ADGRE5: variants seen among roughly 807,000 people sequenced by gnomAD.
The protein encoded by ADGRE5 is CD97 molecule.
ADGRE5 carries 72 observed loss-of-function variants against 100.3 expected under a neutral mutation model. The observed-to-expected ratio is 0.72, with a 90% confidence interval of 0.59 to 0.87. The LOEUF (loss-of-function observed/expected upper bound fraction) is 0.87. Among genes scored for constraint, ADGRE5 ranks in the 40% least tolerant of loss-of-function variants. The pLI is 0.00. For missense variants in ADGRE5, 959 were observed against 1,094.7 expected (o/e 0.88, Z 1.75); for synonymous variants, 439 against 447.8 (o/e 0.98, Z 0.25).
intron 2 of ADGRE5, 63 bp downstream of exon 2, chr19:14,388,563 C>T: frequency 1.3e-6 from 2 of 1,586,556 alleles, no homozygotes; most frequent in Admixed American, 1.7e-5. Context: ...GTCCTGGACC[C>T]CCGCCCAGCC....
chr19:14,387,789 T>G (rs1352072792), intron 1 of ADGRE5, among the ~76,000 whole-genome samples: 1 of 151,672 alleles, frequency 6.6e-6, no homozygotes, highest in African/African-American at 2.4e-5. Context: ...TTTTAAAAAT[T>G]TTGAGTCAGG....
At chr19:14,387,026 AAAAT>A (rs1208816460) in intron 1 of ADGRE5, among the ~76,000 whole-genome samples, 1 of 151,980 alleles carries the variant, frequency 6.6e-6, no homozygotes, top group Non-Finnish European at 1.5e-5. Flanking sequence ...GAAAAAAAAT[AAAAT>A]AAATAAATAA....
chr19:14,388,719 C>T lies in ADGRE5; in HGVS notation c.91C>T (p.Pro31Ser), dbSNP rs1328085839. 3 of 1,613,756 alleles carry T rather than the reference C, an allele frequency of 1.9e-6. No individual in the cohort carries two copies. The highest frequency in any genetic ancestry group is 2.7e-5 in the African/African-American group (2 of 74,924). Residue 31 changes from proline to serine, a missense_variant, in exon 3 of 20, where the codon CCT becomes TCT. Pro to Ser is a moderately conservative substitution (Grantham distance 74). Coordinates refer to ENST00000242786, the MANE Select transcript of ADGRE5 (RefSeq NM_078481.4). ...TCTTGCAGGCTGTGCCCGGTGGTGC[C>T]CTCAGAACTCCTCGTGTGTCAATGC... is the stretch of plus-strand genomic sequence containing the variant. ...QDSRGCARWC[P>S]QNSSCVNATA...
At chr19:14,388,634 C>T in intron 2 of ADGRE5, 68 bp from the exon 3 acceptor site, 6 of 1,606,936 alleles carry the variant, frequency 3.7e-6, no homozygotes, top group Non-Finnish European at 5.1e-6. Context: ...TGCCCCATCT[C>T]CCCCAGTGCC....
At chr19:14,387,841 A>C (rs1398941604) in intron 1 of ADGRE5, among the ~76,000 whole-genome samples, 1 of 151,918 alleles carries the variant, frequency 6.6e-6, no homozygotes, top group East Asian at 1.9e-4. Flanking sequence ...TTGGGAGGCC[A>C]AGACAGGCAG....
At chr19:14,391,915 A>T (rs111532094) in intron 4 of ADGRE5, among the ~76,000 whole-genome samples, 37 of 149,692 alleles carry the variant, frequency 2.5e-4, no homozygotes, top group African/African-American at 9.1e-4. Flanking sequence ...GACCAACATG[A>T]TGAAACCCCC....
chr19:14,384,700 GTCTCTCTGT>G (rs1488315933), intron 1 of ADGRE5, among the ~76,000 whole-genome samples: 3 of 151,154 alleles, frequency 2.0e-5, no homozygotes, highest in Non-Finnish European at 2.9e-5. Context: ...TTATCTCTCT[GTCTCTCTGT>G]TCTCTCTGTC....
chr19:14,406,605 G>A lies in ADGRE5; in HGVS notation c.2048+48G>A. 1 of 1,597,522 alleles carries A rather than the reference G, an allele frequency of 6.3e-7. No individual in the cohort carries two copies. The highest frequency in any genetic ancestry group is 2.2e-5 in the East Asian group (1 of 44,788). On this transcript the variant is annotated intron_variant, in intron 15 of 19. Coordinates refer to ENST00000242786, the MANE Select transcript of ADGRE5 (RefSeq NM_078481.4). This position sits in a 1 kb window ranked among gnomAD's most constrained non-coding sequence, Gnocchi z 6.0. The stretch of plus-strand genomic sequence containing the variant: ...GGAGGAAGGCGGGGTGCTGGGCCTG[G>A]GGCTCACAGGCAGTGCCACACACAA...
At chr19:14,388,179 G>A (rs1000332293) in intron 1 of ADGRE5, among the ~76,000 whole-genome samples, 5 of 151,886 alleles carry the variant, frequency 3.3e-5, no homozygotes, top group African/African-American at 1.2e-4. Context: ...AGTGAGATAT[G>A]ATTGCACCAC....
chr19:14,405,963 C>T, intron 14 of ADGRE5, 24 bp downstream of exon 14: 1 of 1,590,068 alleles, frequency 6.3e-7, no homozygotes, highest in Non-Finnish European at 8.5e-7. Flanking sequence ...CCGCTCCCTC[C>T]TGAGCTCTGG....
At chr19:14,390,785 T>C (rs963528893) in intron 3 of ADGRE5, 139 bp from the exon 4 acceptor site, 6 of 969,612 alleles carry the variant, frequency 6.2e-6, no homozygotes, top group Non-Finnish European at 9.2e-6. Context: ...AGCTGCAGCA[T>C]AGCCTGTGCA....
chr19:14,387,793 A>T (rs1456708436), intron 1 of ADGRE5, among the ~76,000 whole-genome samples: 1 of 148,512 alleles, frequency 6.7e-6, no homozygotes, highest in Admixed American at 6.7e-5. Context: ...AAAAATTTTG[A>T]GTCAGGAAAT....
chr19:14,397,091 A>G lies in ADGRE5; in HGVS notation c.493A>G (p.Thr165Ala). The stretch of plus-strand genomic sequence containing the variant: ...TTTGTCCTCAGATGTGAATGAATGC[A>G]CCTCCGGACAAAACCCGTGCCACAG... ...PKVCTDVNECTSGQNPCHSST... is the reference protein window; with the variant it reads ...PKVCTDVNECASGQNPCHSST... Residue 165 changes from threonine to alanine, a missense_variant, in exon 6 of 20, where the codon ACC becomes GCC. By Grantham distance (58) the Thr-to-Ala change is moderately conservative (BLOSUM62 0). Coordinates refer to ENST00000242786, the MANE Select transcript of ADGRE5 (RefSeq NM_078481.4). 1.2e-6 allele frequency: 2 copies of G among 1,613,636 alleles called. No homozygotes were observed. Among genetic ancestry groups the G allele is most frequent in the Non-Finnish European group, 1.7e-6 (2 of 1,179,944 alleles).
At position 14,406,399 on chromosome 19, in the gene ADGRE5, G is replaced by T. The variant is rs947769267; in HGVS notation, c.1890G>T (p.Met630Ile). ...HYCFLAAFCW[M>I]SLEGLELYFL... is the part of the protein sequence containing the mutation. Reference sequence around the variant, plus strand: ...GTTTCCTGGCCGCCTTCTGCTGGATGAGCCTCGAAGGCCTGGAGCTCTACT... The same window carrying T: ...GTTTCCTGGCCGCCTTCTGCTGGATTAGCCTCGAAGGCCTGGAGCTCTACT... The change falls in exon 15 of 20, where the codon ATG (methionine) becomes ATT (isoleucine). Residue 630 changes from methionine to isoleucine, a missense_variant. Physicochemically the swap from Met to Ile is conservative, Grantham distance 10. Transcript: ENST00000242786. The surrounding 1 kb of genome is among the most constrained non-coding windows in gnomAD (Gnocchi z 6.0). 1.9e-6 allele frequency: 3 copies of T among 1,593,122 alleles called. No homozygotes were observed. Among genetic ancestry groups the T allele is most frequent in the African/African-American group, 2.7e-5 (2 of 74,626 alleles).
intron 12 of ADGRE5, 23 bp from the exon 13 acceptor site, chr19:14,404,360 T>A (rs781112760): frequency 1.3e-6 from 2 of 1,595,898 alleles, no homozygotes; most frequent in South Asian, 2.2e-5. Flanking sequence ...CCAACCTTTC[T>A]GACCACCCCC....
chr19:14,402,017 G>A (rs1288810495), intron 11 of ADGRE5, among the ~76,000 whole-genome samples: 1 of 152,040 alleles, frequency 6.6e-6, no homozygotes, highest in African/African-American at 2.4e-5. Flanking sequence ...TGTAGTCCCA[G>A]TTACTCAGGA....
Position 14,408,268 on chromosome 19 carries a change from T to C in ADGRE5, c.*147T>C, listed in dbSNP as rs1976370577. 4.4e-6 allele frequency: 4 copies of C among 906,800 alleles called. No individual in the cohort carries two copies. The highest frequency in any genetic ancestry group is 3.2e-4 in the Middle Eastern group (1 of 3,090). 56.2% of individuals were successfully genotyped at this position (906,800 alleles called of 1,614,324 possible). A position where few individuals can be genotyped will look rare whatever the true frequency, so the allele number is the denominator to read the frequency against. On this transcript the variant is annotated 3_prime_UTR_variant, in exon 20 of 20. Coordinates refer to ENST00000242786, the MANE Select transcript of ADGRE5 (RefSeq NM_078481.4). Reference sequence around the variant, plus strand: ...TGCCACCAGGAGGGAGTGGCAGCTATAGTCTGGCACCAAAGTCCAGGACAC... The same window carrying C: ...TGCCACCAGGAGGGAGTGGCAGCTACAGTCTGGCACCAAAGTCCAGGACAC...
In ADGRE5 at chr19:14,398,091, G is replaced by C. The variant is rs766957633; in HGVS notation, c.849G>C (p.Gln283His). 6.2e-7 allele frequency: 1 copy of C among 1,614,068 alleles called. No individual in the cohort carries two copies. Among genetic ancestry groups the C allele is most frequent in the East Asian group, 2.2e-5 (1 of 44,876 alleles). The change falls in exon 9 of 20, where the codon CAG (glutamine) becomes CAC (histidine). Residue 283 changes from glutamine to histidine, a missense_variant. Transcript: ENST00000242786. ...QTLSRFFDKVQDLGRDSKTSS... is the reference protein window; with the variant it reads ...QTLSRFFDKVHDLGRDSKTSS... ...TTTCCCGATTCTTCGACAAAGTCCA[G>C]GACCTGGGCAGAGACTCCAAGACAA...
intron 5 of ADGRE5, 26 bp from the exon 6 acceptor site, chr19:14,397,051 G>T (rs1466074636): frequency 1.2e-6 from 2 of 1,602,148 alleles, no homozygotes; most frequent in Non-Finnish European, 1.7e-6. Flanking sequence ...CAGGGACAGG[G>T]TTTGACCCTC....
Sources: gnomAD v4.1 joint callset for allele counts (sites outside exome capture counted in the v4.1 genomes callset) on GRCh38, gnomAD v4.1.1 for gene constraint, Gnocchi (gnomAD v3.1) non-coding constraint, MANE v1.5 for transcripts, NCBI Gene and HGNC (gene_info 2026-07-23, HGNC 2026-07-21) for gene names.